The following PDE4B variants were observed in gnomAD, a reference collection of about 807,000 sequenced individuals.
PDE4B encodes phosphodiesterase 4B, also known as 3',5'-cyclic-AMP phosphodiesterase 4B.
A neutral mutation model predicts 82.2 loss-of-function variants in PDE4B; 20 were observed. That is an observed-to-expected ratio of 0.24 (90% CI 0.17 to 0.35). The LOEUF (loss-of-function observed/expected upper bound fraction) is 0.35, where lower values mean the gene tolerates loss of function less well. Ranked by LOEUF, PDE4B falls within the 10% of genes least tolerant of loss-of-function variation. PDE4B has a pLI of 1.00. For missense variants in PDE4B, 655 were observed against 907.2 expected (o/e 0.72, Z 3.57); for synonymous variants, 320 against 318.9 (o/e 1.00, Z -0.04).
At position 66,134,876 on chromosome 1, in the gene PDE4B, A is replaced by G. The variant is rs909657013; in HGVS notation, c.282-112584A>G. Among the ~76,000 whole-genome samples the G allele has an allele frequency of 3.3e-5, 5 of 152,326 alleles. No individual in the cohort carries two copies. The South Asian group carries it at 1.0e-3, about 32-fold the overall frequency. On this transcript the variant is annotated intron_variant, in intron 3 of 16. Transcript: ENST00000341517. ...GTAGTCACTTCTGTCAAGCAATATAATCTGGTGAGGGAGATAAAACAGAAA... is the reference window on the plus strand; with the variant it reads ...GTAGTCACTTCTGTCAAGCAATATAGTCTGGTGAGGGAGATAAAACAGAAA...
At chr1:66,088,082 A>G (rs1644932416) in intron 3 of PDE4B, among the ~76,000 whole-genome samples, 3 of 152,062 alleles carry the variant, frequency 2.0e-5, no homozygotes, top group African/African-American at 4.8e-5. Context: ...CTGAGGAACC[A>G]CAGCTTGAGC....
At chr1:66,020,642 A>C (rs1653046768) in intron 3 of PDE4B, among the ~76,000 whole-genome samples, 1 of 152,230 alleles carries the variant, frequency 6.6e-6, no homozygotes, top group African/African-American at 2.4e-5. Flanking sequence ...AAAGGAGATG[A>C]ACTCATCCTT....
At chr1:66,250,918 A>C (rs1653721947) in intron 4 of PDE4B, among the ~76,000 whole-genome samples, 1 of 152,220 alleles carries the variant, frequency 6.6e-6, no homozygotes, top group Non-Finnish European at 1.5e-5. Context: ...GCCACCATTT[A>C]CGTGTGGACT....
intron 3 of PDE4B, among the ~76,000 whole-genome samples, chr1:66,118,498 A>G (rs1645642496): frequency 1.3e-5 from 2 of 151,002 alleles, no homozygotes; most frequent in African/African-American, 4.9e-5. Context: ...GCATGTTCTC[A>G]CTCATAGGTG....
chr1:65,815,899 G>T (rs1227600979), intron 1 of PDE4B, among the ~76,000 whole-genome samples: 1 of 152,110 alleles, frequency 6.6e-6, no homozygotes, highest in Non-Finnish European at 1.5e-5. Flanking sequence ...TACATAAAAG[G>T]ACTTCAGCTA....
At chr1:65,929,310 G>A (rs1374025377) in intron 3 of PDE4B, among the ~76,000 whole-genome samples, 2 of 152,160 alleles carry the variant, frequency 1.3e-5, no homozygotes, top group African/African-American at 2.4e-5. Flanking sequence ...CCACTACTGG[G>A]GATGGGGAAG....
At chr1:66,138,357 A>G (rs1646100726) in intron 3 of PDE4B, among the ~76,000 whole-genome samples, 1 of 152,158 alleles carries the variant, frequency 6.6e-6, no homozygotes, top group Non-Finnish European at 1.5e-5. Context: ...CGTCTCTACT[A>G]AAAATACAAA....
In PDE4B at chr1:65,954,473, A is replaced by G. The variant is rs1649157409; in HGVS notation, c.281+35638A>G. 2.6e-5 allele frequency among the ~76,000 whole-genome samples: 4 copies of G among 152,122 alleles called. No individual in the cohort carries two copies. In the South Asian group the frequency reaches 8.3e-4, roughly 31 times the overall value. Reference sequence around the variant, plus strand: ...ATTAAGTTATATATCACGTTCATGCATTATAAGGGGATTGTCTATGATGCA... The same window carrying G: ...ATTAAGTTATATATCACGTTCATGCGTTATAAGGGGATTGTCTATGATGCA... On this transcript the variant is annotated intron_variant, in intron 3 of 16. Coordinates refer to ENST00000341517, the MANE Select transcript of PDE4B (RefSeq NM_002600.4).
At chr1:66,150,111 T>A (rs1646361465) in intron 3 of PDE4B, among the ~76,000 whole-genome samples, 1 of 152,180 alleles carries the variant, frequency 6.6e-6, no homozygotes, top group Non-Finnish European at 1.5e-5. Flanking sequence ...CATTGATCTC[T>A]ATGTATATCC....
At position 66,201,167 on chromosome 1, in the gene PDE4B, G is replaced by A. The variant is rs1359618113; in HGVS notation, c.282-46293G>A. ...TTACATTTATTGATTTGTGCATGTT[G>A]AGCCAGCCTTGCATCCCAGGGATGA... On this transcript the variant is annotated intron_variant, in intron 3 of 16. Coordinates refer to ENST00000341517, the MANE Select transcript of PDE4B (RefSeq NM_002600.4). Among the ~76,000 whole-genome samples, 10 of 152,288 alleles carry A rather than the reference G, an allele frequency of 6.6e-5. 1 individual carries two copies. The South Asian group carries it at 2.1e-3, about 32-fold the overall frequency.
chr1:66,031,915 C>T lies in PDE4B; in HGVS notation c.281+113080C>T, dbSNP rs1312828830. Among the ~76,000 whole-genome samples the T allele has an allele frequency of 2.0e-5, 3 of 152,240 alleles. 1 individual carries two copies. In the East Asian group the frequency reaches 5.8e-4, roughly 29 times the overall value. On this transcript the variant is annotated intron_variant, in intron 3 of 16. Coordinates refer to ENST00000341517, the MANE Select transcript of PDE4B (RefSeq NM_002600.4). ...TTTCTCCATGACTCAATTAACTTTC[C>T]ATCCTCTCCGGTGACCCCAGAGGTA...
At chr1:66,033,695 T>C (rs1224527047) in intron 3 of PDE4B, among the ~76,000 whole-genome samples, 1 of 140,898 alleles carries the variant, frequency 7.1e-6, no homozygotes, top group Non-Finnish European at 1.5e-5. Flanking sequence ...CAAGCAAAAG[T>C]AGACAGCAGC....
intron 9 of PDE4B, among the ~76,000 whole-genome samples, chr1:66,359,106 A>G (rs1207997168): frequency 2.0e-5 from 3 of 152,240 alleles, no homozygotes; most frequent in Admixed American, 1.3e-4. Context: ...TTATATTACA[A>G]TTTAGTTAAT....
At chr1:66,229,570 T>G (rs951262294) in intron 3 of PDE4B, among the ~76,000 whole-genome samples, 4 of 152,240 alleles carry the variant, frequency 2.6e-5, no homozygotes, top group Non-Finnish European at 5.9e-5. Flanking sequence ...AACTCTTCAC[T>G]AAATCCCTAC....
intron 3 of PDE4B, among the ~76,000 whole-genome samples, chr1:66,220,252 T>G (rs139114157): frequency 6.6e-6 from 1 of 152,318 alleles, no homozygotes; most frequent in East Asian, 1.9e-4. Flanking sequence ...TGATCCCCTC[T>G]ACTTCAAAGC....
chr1:65,841,476 T>C, intron 1 of PDE4B, among the ~76,000 whole-genome samples: 1 of 152,072 alleles, frequency 6.6e-6, no homozygotes, highest in Non-Finnish European at 1.5e-5. Context: ...AAGGTACCTG[T>C]GTGATCTTGG....
At chr1:66,244,236 G>GA (rs1280748500) in intron 3 of PDE4B, among the ~76,000 whole-genome samples, 1 of 151,966 alleles carries the variant, frequency 6.6e-6, no homozygotes, top group African/African-American at 2.4e-5. Context: ...AAACCTGCAG[G>GA]AGAAAAAATA....
In PDE4B at chr1:66,314,937, G is replaced by A. The variant is rs564110064; in HGVS notation, c.635-17571G>A. Among the ~76,000 whole-genome samples, 4 of 152,280 alleles carry A rather than the reference G, an allele frequency of 2.6e-5. No homozygotes were observed. The South Asian group carries it at 8.3e-4, about 32-fold the overall frequency. On this transcript the variant is annotated intron_variant, in intron 7 of 16. Transcript: ENST00000341517. Reference sequence around the variant, plus strand: ...CTCTGATGATCCAACTGCAGTCCATGGTTTGCCCTTGCTGTTTTCACTTTG... The same window carrying A: ...CTCTGATGATCCAACTGCAGTCCATAGTTTGCCCTTGCTGTTTTCACTTTG...
chr1:66,293,150 G>A (rs1003919688), intron 7 of PDE4B, among the ~76,000 whole-genome samples: 7 of 152,128 alleles, frequency 4.6e-5, no homozygotes, highest in African/African-American at 7.2e-5. Context: ...TGAGGTCCTT[G>A]AGGTCAGGCG....
Sources: allele counts gnomAD v4.1 joint callset (sites outside exome capture counted in the v4.1 genomes callset), GRCh38; gene constraint gnomAD v4.1.1; transcripts MANE v1.5; gene names NCBI Gene and HGNC (gene_info 2026-07-23, HGNC 2026-07-21).